DNAH14: variants seen among roughly 807,000 people sequenced by gnomAD.
The protein encoded by DNAH14 is dynein axonemal heavy chain 14.
A neutral mutation model predicts 520.9 loss-of-function variants in DNAH14; 478 were observed. That is an observed-to-expected ratio of 0.92 (90% CI 0.85 to 0.99). DNAH14 has a LOEUF of 0.99. Ranked by LOEUF, DNAH14 falls within the 50% of genes least tolerant of loss-of-function variation. DNAH14 has a pLI of 0.00. For missense variants in DNAH14, 4,831 were observed against 5,234.5 expected, an observed-to-expected ratio of 0.92 and a Z score of 2.38; for synonymous variants, 1,581 against 1,757.2, an observed-to-expected ratio of 0.90 and a Z score of 2.51.
At chr1:225,097,631 G>A (rs1460018225) in intron 22 of DNAH14, among the ~76,000 whole-genome samples, 1 of 151,874 alleles carries the variant, frequency 6.6e-6, no homozygotes, top group Non-Finnish European at 1.5e-5. Context: ...AAAATAAGGT[G>A]GGCGTGGTGG....
At chr1:225,271,337 AC>A (rs2093310455) in intron 50 of DNAH14, among the ~76,000 whole-genome samples, 1 of 152,178 alleles carries the variant, frequency 6.6e-6, no homozygotes, top group Non-Finnish European at 1.5e-5. Flanking sequence ...TATCAGAATT[AC>A]CAAGTGCTTT....
intron 36 of DNAH14, among the ~76,000 whole-genome samples, chr1:225,183,308 A>G (rs917354371): frequency 1.3e-5 from 2 of 152,234 alleles, no homozygotes; most frequent in Non-Finnish European, 2.9e-5. Flanking sequence ...ATAAATATCA[A>G]TGGCAGGTAG....
intron 34 of DNAH14, among the ~76,000 whole-genome samples, chr1:225,155,788 C>T (rs1467308020): frequency 6.6e-6 from 1 of 152,120 alleles, no homozygotes; most frequent in Admixed American, 6.5e-5. Flanking sequence ...CTAAATGTGA[C>T]AGCCCCATTT....
chr1:225,070,154 C>T (rs935144697), intron 17 of DNAH14, among the ~76,000 whole-genome samples: 1 of 151,780 alleles, frequency 6.6e-6, no homozygotes, highest in African/African-American at 2.4e-5. Flanking sequence ...TTCAAAAAAC[C>T]CAGCTCCTGG....
intron 41 of DNAH14, among the ~76,000 whole-genome samples, chr1:225,212,868 C>T (rs1260894519): frequency 1.7e-4 from 26 of 152,112 alleles, no homozygotes; most frequent in Admixed American, 1.7e-3. Flanking sequence ...TGCATTTTCA[C>T]TCTGATGGTA....
At chr1:225,061,758 A>T (rs1442491088) in intron 17 of DNAH14, among the ~76,000 whole-genome samples, 1 of 152,200 alleles carries the variant, frequency 6.6e-6, no homozygotes, top group Non-Finnish European at 1.5e-5. Context: ...AGCTAGGATT[A>T]TAGGCACAAG....
In DNAH14 at chr1:225,360,881, A is replaced by G. The variant is rs1251791419; in HGVS notation, c.11977A>G (p.Ile3993Val). Reference protein sequence around the residue: ...ATSFMPRLCTIVESFNSPNVT... With the variant: ...ATSFMPRLCTVVESFNSPNVT... ...ATCATTTATGCCAAGGCTTTGCACAATTGTAGAATCGTAAGAGTTTTACAT... is the reference window on the plus strand; with the variant it reads ...ATCATTTATGCCAAGGCTTTGCACAGTTGTAGAATCGTAAGAGTTTTACAT... Residue 3993 changes from isoleucine to valine, a missense_variant, in exon 75 of 86, where the codon ATT (isoleucine) becomes GTT (valine). Physicochemically the swap from Ile to Val is conservative, Grantham distance 29. Coordinates refer to ENST00000682510, the MANE Select transcript of DNAH14 (RefSeq NM_001367479.1). The G allele has an allele frequency of 7.7e-6, 12 of 1,551,438 alleles. No homozygotes were observed. The highest frequency in any genetic ancestry group is 3.9e-5 in the Admixed American group (2 of 50,976).
At chr1:225,095,518 G>A (rs1573029089) in intron 21 of DNAH14, among the ~76,000 whole-genome samples, 2 of 152,246 alleles carry the variant, frequency 1.3e-5, no homozygotes, top group East Asian at 3.9e-4. Flanking sequence ...GGTGGGAGAA[G>A]GGTGAGGATA....
intron 23 of DNAH14, 113 bp from the exon 24 acceptor site, chr1:225,117,571 A>G (rs2076958719): frequency 1.5e-6 from 1 of 650,982 alleles, no homozygotes; most frequent in South Asian, 2.0e-5. Flanking sequence ...ACTACTATAT[A>G]TACCATAACT....
intron 8 of DNAH14, among the ~76,000 whole-genome samples, chr1:224,999,483 G>C (rs1031450715): frequency 1.3e-5 from 2 of 152,096 alleles, no homozygotes; most frequent in South Asian, 2.1e-4. Context: ...GGGATTACAG[G>C]TGTGAGCCAC....
chr1:225,083,449 G>A (rs549038465), intron 20 of DNAH14, among the ~76,000 whole-genome samples: 7 of 151,670 alleles, frequency 4.6e-5, no homozygotes, highest in South Asian at 2.1e-4. Flanking sequence ...ATTTTATATC[G>A]CCAGCCCTAA....
chr1:225,055,517 AT>A (rs2068947235), intron 17 of DNAH14, among the ~76,000 whole-genome samples: 2 of 150,962 alleles, frequency 1.3e-5, no homozygotes, highest in Admixed American at 6.6e-5. Context: ...TAGCTAAATT[AT>A]TTTTTTATTT....
chr1:225,057,037 C>A (rs1038011393), intron 17 of DNAH14, among the ~76,000 whole-genome samples: 2 of 152,124 alleles, frequency 1.3e-5, no homozygotes, highest in Non-Finnish European at 2.9e-5. Flanking sequence ...TCCATAGGAA[C>A]TTTAAAGTAG....
intron 72 of DNAH14, among the ~76,000 whole-genome samples, chr1:225,352,835 G>T (rs1203807010): frequency 6.6e-6 from 1 of 151,680 alleles, no homozygotes; most frequent in African/African-American, 2.4e-5. Flanking sequence ...AAACATTCTT[G>T]ATTTCAAGTT....
intron 10 of DNAH14, among the ~76,000 whole-genome samples, chr1:225,021,747 T>A (rs2449274): frequency 1.3e-5 from 2 of 152,044 alleles, no homozygotes; most frequent in Non-Finnish European, 2.9e-5. Flanking sequence ...TCCTGTCAAA[T>A]TACCAACATC....
chr1:224,969,282 A>AC (rs2061367752), intron 7 of DNAH14: 1 of 170,386 alleles, frequency 5.9e-6, no homozygotes, highest in African/African-American at 2.4e-5. Context: ...CCTACAGTTG[A>AC]CTCTGGAACA....
chr1:225,009,618 G>A (rs757369345), intron 10 of DNAH14, among the ~76,000 whole-genome samples: 62 of 152,122 alleles, frequency 4.1e-4, no homozygotes, highest in Non-Finnish European at 7.8e-4. Flanking sequence ...TAAATTTAAA[G>A]TAGTTTTTTC....
Position 225,232,351 on chromosome 1 carries a change from G to T in DNAH14, c.6518+1200G>T, listed in dbSNP as rs972577054. On this transcript the variant is annotated intron_variant, in intron 42 of 85. Coordinates refer to ENST00000682510, the MANE Select transcript of DNAH14 (RefSeq NM_001367479.1). This position sits in a 1 kb window ranked among gnomAD's most constrained non-coding sequence, Gnocchi z 4.2. ...GGTAAACATTTAGATTTTCAATTTT[G>T]TTATTAACAATAGTAATATGATTAA... is the stretch of plus-strand genomic sequence containing the variant. Among the ~76,000 whole-genome samples the T allele has an allele frequency of 2.2e-4, 34 of 151,242 alleles. No individual in the cohort carries two copies. The highest frequency in any genetic ancestry group is 8.3e-4 in the African/African-American group (34 of 41,168).
chr1:225,127,091 G>A (rs2077802038), intron 27 of DNAH14, among the ~76,000 whole-genome samples: 1 of 151,924 alleles, frequency 6.6e-6, no homozygotes, highest in Admixed American at 6.6e-5. Flanking sequence ...TATAATTTCT[G>A]TTCTTTTACA....
Sources: gnomAD v4.1 joint callset for allele counts (sites outside exome capture counted in the v4.1 genomes callset) on GRCh38, gnomAD v4.1.1 for gene constraint, Gnocchi (gnomAD v3.1) non-coding constraint, MANE v1.5 for transcripts, NCBI Gene and HGNC (gene_info 2026-07-23, HGNC 2026-07-21) for gene names.